MAN1C1: variants seen among roughly 807,000 people sequenced by gnomAD.
The protein encoded by MAN1C1 is mannosyl-oligosaccharide 1,2-alpha-mannosidase IC.
A neutral mutation model predicts 71.5 loss-of-function variants in MAN1C1; 49 were observed. The ratio of observed to expected loss-of-function variants is 0.69; its 90% CI spans 0.54 to 0.87. MAN1C1 has a LOEUF of 0.87. Ranked by LOEUF, MAN1C1 falls within the 40% of genes least tolerant of loss-of-function variation. The probability of loss-of-function intolerance (pLI) is 0.00; values close to 1 mark genes in which losing one functional copy is unlikely to be tolerated. For missense variants in MAN1C1, 743 were observed against 835.0 expected (o/e 0.89, Z 1.36); for synonymous variants, 352 against 343.7 (o/e 1.02, Z -0.27).
chr1:25,693,514 C>G (rs952405393), intron 2 of MAN1C1, among the ~76,000 whole-genome samples: 2 of 152,134 alleles, frequency 1.3e-5, no homozygotes, highest in African/African-American at 4.8e-5. Flanking sequence ...ACCTGTAGAC[C>G]CAGCTACTTG....
chr1:25,617,639 C>T lies in MAN1C1; in HGVS notation c.-159C>T, dbSNP rs2045122017. The T allele has an allele frequency of 1.7e-6, 1 of 594,398 alleles. No individual in the cohort carries two copies. The highest frequency in any genetic ancestry group is 4.4e-4 in the Middle Eastern group (1 of 2,278). 36.8% of individuals were successfully genotyped at this position (594,398 alleles called of 1,614,324 possible). A position where few individuals can be genotyped will look rare whatever the true frequency, so the allele number is the denominator to read the frequency against. ...GAGGACTCGCTCCAAACTCCCTGAACTTCGGGGACAGTCCCCCGAAGCGGC... is the reference window on the plus strand; with the variant it reads ...GAGGACTCGCTCCAAACTCCCTGAATTTCGGGGACAGTCCCCCGAAGCGGC... On this transcript the variant is annotated 5_prime_UTR_variant, in exon 1 of 12. Coordinates refer to ENST00000374332, the MANE Select transcript of MAN1C1 (RefSeq NM_020379.4). The surrounding 1 kb of genome is among the most constrained non-coding windows in gnomAD (Gnocchi z 5.1).
chr1:25,712,234 G>A (rs1052805814), intron 2 of MAN1C1, among the ~76,000 whole-genome samples: 1 of 152,240 alleles, frequency 6.6e-6, no homozygotes, highest in African/African-American at 2.4e-5. Flanking sequence ...GAGCTCTTTT[G>A]TCTGGCTCCC....
intron 1 of MAN1C1, among the ~76,000 whole-genome samples, chr1:25,638,138 A>C (rs1439509805): frequency 6.6e-6 from 1 of 152,110 alleles, no homozygotes; most frequent in Non-Finnish European, 1.5e-5. Flanking sequence ...CTTTTGAATT[A>C]ATCAAGTATT....
intron 2 of MAN1C1, among the ~76,000 whole-genome samples, chr1:25,694,782 G>C (rs1416609513): frequency 2.0e-5 from 3 of 152,214 alleles, no homozygotes; most frequent in Non-Finnish European, 4.4e-5. Flanking sequence ...GTGAAAACCA[G>C]CTGCTTCCCT....
In MAN1C1 at chr1:25,783,881, C is replaced by T; in HGVS notation, c.*92C>T. The T allele has an allele frequency of 1.3e-6, 2 of 1,485,472 alleles. No homozygotes were observed. The highest frequency in any genetic ancestry group is 2.0e-5 in the Admixed American group (1 of 50,076). The allele number at this position is 1,485,472 out of a possible 1,614,324, so 92.0% of individuals were successfully genotyped here. ...TTCTCAAAGGGATTGGGAACGAAGG[C>T]CCCATCTCGGGCAGACCCCCAGCAG... On this transcript the variant is annotated 3_prime_UTR_variant, in exon 12 of 12. Transcript: ENST00000374332.
intron 1 of MAN1C1, among the ~76,000 whole-genome samples, chr1:25,650,881 C>T (rs959998531): frequency 2.0e-5 from 3 of 152,316 alleles, no homozygotes; most frequent in African/African-American, 7.2e-5. Context: ...GAAAATCTAG[C>T]TCTCCTATTT....
At chr1:25,682,954 C>T (rs1398077787) in intron 1 of MAN1C1, among the ~76,000 whole-genome samples, 1 of 151,250 alleles carries the variant, frequency 6.6e-6, no homozygotes, top group Non-Finnish European at 1.5e-5. Context: ...AGGAGAATTG[C>T]TTGAGTCTGG....
chr1:25,752,641 C>T (rs756460892), intron 4 of MAN1C1, among the ~76,000 whole-genome samples: 1 of 152,156 alleles, frequency 6.6e-6, no homozygotes. Flanking sequence ...AATAAATTCC[C>T]AGGCAGGAAA....
At chr1:25,629,201 C>T (rs1382008136) in intron 1 of MAN1C1, among the ~76,000 whole-genome samples, 1 of 152,192 alleles carries the variant, frequency 6.6e-6, no homozygotes, top group Non-Finnish European at 1.5e-5. Context: ...TACTAATTTA[C>T]ATTCCTACCA....
intron 1 of MAN1C1, among the ~76,000 whole-genome samples, chr1:25,637,595 T>C (rs1015453524): frequency 1.3e-5 from 2 of 151,840 alleles, no homozygotes; most frequent in African/African-American, 4.8e-5. Flanking sequence ...TTCAAAACTA[T>C]GTATTTTTTT....
chr1:25,723,466 C>T lies in MAN1C1; in HGVS notation c.638-23202C>T, dbSNP rs573181548. 4.6e-5 allele frequency among the ~76,000 whole-genome samples: 7 copies of T among 152,314 alleles called. No homozygotes were observed. In the East Asian group the frequency reaches 7.7e-4, roughly 17 times the overall value. ...GCTTGCATCATCATGGCTTAGGGTT[C>T]GGCTTTCTTGGCTTTGCTGAGTCAG... On this transcript the variant is annotated intron_variant, in intron 2 of 11. Coordinates refer to ENST00000374332, the MANE Select transcript of MAN1C1 (RefSeq NM_020379.4).
At chr1:25,758,308 A>G (rs12082465) in intron 5 of MAN1C1, among the ~76,000 whole-genome samples, 4,883 of 152,292 alleles carry the variant, frequency 0.032, 232 homozygotes, top group African/African-American at 0.11. Flanking sequence ...CTCTTGTACC[A>G]GGTCTCGAGC....
intron 1 of MAN1C1, among the ~76,000 whole-genome samples, chr1:25,644,025 GC>G (rs1307602495): frequency 6.6e-6 from 1 of 152,136 alleles, no homozygotes; most frequent in African/African-American, 2.4e-5. Flanking sequence ...CTTTTTCAGG[GC>G]CTTACTTTGT....
chr1:25,694,297 T>C (rs1201873174), intron 2 of MAN1C1, among the ~76,000 whole-genome samples: 1 of 152,172 alleles, frequency 6.6e-6, no homozygotes, highest in Admixed American at 6.5e-5. Context: ...TCAGGCCTCT[T>C]CTCTGTGCTT....
At chr1:25,647,592 A>G (rs1296177868) in intron 1 of MAN1C1, among the ~76,000 whole-genome samples, 1 of 152,122 alleles carries the variant, frequency 6.6e-6, no homozygotes, top group Non-Finnish European at 1.5e-5. Context: ...TTAGGTTCTG[A>G]ATCAAGCACA....
intron 7 of MAN1C1, among the ~76,000 whole-genome samples, chr1:25,767,151 T>TACACAC (rs368029140): frequency 0.04 from 5,848 of 146,466 alleles, 418 homozygotes; most frequent in African/African-American, 0.14. Context: ...ACCACACTCG[T>TACACAC]ACACACACAC....
At chr1:25,668,337 G>A (rs537904985) in intron 1 of MAN1C1, among the ~76,000 whole-genome samples, 1 of 152,006 alleles carries the variant, frequency 6.6e-6, no homozygotes, top group Admixed American at 6.6e-5. Context: ...CTGGCTGCTG[G>A]CTGCCTCCCC....
intron 2 of MAN1C1, among the ~76,000 whole-genome samples, chr1:25,733,501 TCTGCCCGAACG>T (rs1223535068): frequency 6.6e-6 from 1 of 152,130 alleles, no homozygotes; most frequent in Non-Finnish European, 1.5e-5. Flanking sequence ...CCTTCAAGCC[TCTGCCCGAACG>T]CTGCCCATCT....
intron 2 of MAN1C1, among the ~76,000 whole-genome samples, chr1:25,717,601 GTTT>G (rs1450154959): frequency 6.8e-6 from 1 of 147,632 alleles, no homozygotes; most frequent in Non-Finnish European, 1.5e-5. Flanking sequence ...TTGAGATGGA[GTTT>G]CTCTCTTGTT....
Sources: allele counts gnomAD v4.1 joint callset (sites outside exome capture counted in the v4.1 genomes callset), GRCh38; gene constraint gnomAD v4.1.1; non-coding constraint Gnocchi (gnomAD v3.1); transcripts MANE v1.5; gene names NCBI Gene and HGNC (gene_info 2026-07-23, HGNC 2026-07-21).